Variants in TMPRSS7 observed in about 807,000 individuals in gnomAD.
The protein encoded by TMPRSS7 is transmembrane protease serine 7.
In TMPRSS7, 81 loss-of-function variants were observed where a neutral mutation model predicts 95.6. That is an observed-to-expected ratio of 0.85 (90% CI 0.71 to 1.02). The LOEUF (loss-of-function observed/expected upper bound fraction) is 1.02. Ranked by LOEUF, TMPRSS7 falls within the 50% of genes least tolerant of loss-of-function variation. The probability of loss-of-function intolerance (pLI) is 0.00; values close to 1 mark genes in which losing one functional copy is unlikely to be tolerated. For missense variants in TMPRSS7, 945 were observed against 955.2 expected (o/e 0.99, Z 0.14); for synonymous variants, 364 against 337.8 (o/e 1.08, Z -0.85).
At position 112,038,249 on chromosome 3, in the gene TMPRSS7, A is replaced by G. The variant is rs777214539; in HGVS notation, c.226A>G (p.Lys76Glu). ...AGTTCCCTTTTGGAATGTACAAAATAAAATCATTCTCTTCACAGTATTTTT... is the reference window on the plus strand; with the variant it reads ...AGTTCCCTTTTGGAATGTACAAAATGAAATCATTCTCTTCACAGTATTTTT... The change falls in exon 2 of 18, where the codon AAA becomes GAA. Residue 76 changes from lysine (K) to glutamate (E), a missense_variant. Coordinates refer to ENST00000452346, the Ensembl canonical transcript of TMPRSS7. 3 of 702,840 alleles carry G rather than the reference A, an allele frequency of 4.3e-6. No homozygotes were observed. The South Asian group carries it at 4.4e-5, about 10-fold the overall frequency. 43.5% of individuals were successfully genotyped at this position (702,840 alleles called of 1,614,324 possible).
intron 10 of TMPRSS7, among the ~76,000 whole-genome samples, chr3:112,061,360 C>T (rs1337975915): frequency 1.4e-4 from 22 of 152,132 alleles, no homozygotes; most frequent in Admixed American, 1.4e-3. Context: ...ATAATGTTGT[C>T]TTTTGCTTTT....
intron 11 of TMPRSS7, among the ~76,000 whole-genome samples, chr3:112,062,411 T>A (rs1336578630): frequency 6.6e-6 from 1 of 152,208 alleles, no homozygotes; most frequent in Non-Finnish European, 1.5e-5. Context: ...TGAAAACTAC[T>A]GGAAGAGCGG....
intron 2 of TMPRSS7, among the ~76,000 whole-genome samples, chr3:112,041,012 T>C (rs2073200818): frequency 6.7e-6 from 1 of 150,296 alleles, no homozygotes; most frequent in African/African-American, 2.5e-5. Context: ...CTTACTGATA[T>C]GAGAAGGATG....
chr3:112,046,024 T>A (rs1193139756), intron 5 of TMPRSS7, 81 bp downstream of exon 5: 8 of 1,240,630 alleles, frequency 6.4e-6, no homozygotes, highest in Non-Finnish European at 8.9e-6. Context: ...AACATTGTAA[T>A]GAAGCATTAC....
rs777946917 is a variant in TMPRSS7 at position 112,038,190 on chromosome 3, G to T, written c.167G>T (p.Gly56Val). The change falls in exon 2 of 18, where the codon GGC (glycine) becomes GTC (valine). Residue 56 changes from glycine to valine, a missense_variant. Physicochemically the swap from Gly to Val is moderately radical, Grantham distance 109. Transcript: ENST00000452346. ...AGACGACCACCACAAAGACCCATTG[G>T]CAAAGCCAAACCCAAGAAGCAATCC... 10 of 702,734 alleles carry T rather than the reference G, an allele frequency of 1.4e-5. No individual in the cohort carries two copies. The East Asian group carries it at 2.7e-4, about 19-fold the overall frequency. 43.5% of individuals were successfully genotyped at this position (702,734 alleles called of 1,614,324 possible). A position where few individuals can be genotyped will look rare whatever the true frequency, so the allele number is the denominator to read the frequency against.
chr3:112,053,752 G>A lies in TMPRSS7; in HGVS notation c.1203+2969G>A, dbSNP rs997140602. ...GATCACTCAAACAGAAAGTGACCCAGGTAGGACTAGAAGGAATCATGCCTC... is the reference window on the plus strand; with the variant it reads ...GATCACTCAAACAGAAAGTGACCCAAGTAGGACTAGAAGGAATCATGCCTC... On this transcript the variant is annotated intron_variant, in intron 9 of 17. Coordinates refer to ENST00000452346, the Ensembl canonical transcript of TMPRSS7. 2.0e-5 allele frequency among the ~76,000 whole-genome samples: 3 copies of A among 152,198 alleles called. No individual in the cohort carries two copies. The East Asian group carries it at 5.8e-4, about 29-fold the overall frequency.
chr3:112,060,563 AGAGAAATATGG>A (rs1174442914), intron 10 of TMPRSS7, among the ~76,000 whole-genome samples: 1 of 152,266 alleles, frequency 6.6e-6, no homozygotes, highest in Non-Finnish European at 1.5e-5. Context: ...TTTTGAAAGA[AGAGAAATATGG>A]CTGTGTTCTG....
rs73853301 is a variant in TMPRSS7 at position 112,061,782 on chromosome 3, C to T, written c.1311-5C>T. 17,029 of 1,600,962 alleles carry T rather than the reference C, an allele frequency of 0.011. 888 individuals carry two copies. In the African/African-American group the frequency reaches 0.14, roughly 13 times the overall value. On this transcript the variant is annotated splice_polypyrimidine_tract_variant and splice_region_variant and intron_variant, in intron 10 of 17. Transcript: ENST00000452346. ...GTGTATTCTCCCCGACTCTTGTCTC[C>T]CCAGGTACTGTGGCTCCTACATGGA...
chr3:112,041,281 T>C (rs1036770947), intron 2 of TMPRSS7, among the ~76,000 whole-genome samples: 2 of 152,116 alleles, frequency 1.3e-5, no homozygotes, highest in African/African-American at 4.8e-5. Context: ...CCAGCCTCCC[T>C]ACACTTCCTA....
At chr3:112,061,004 C>G (rs889517490) in intron 10 of TMPRSS7, among the ~76,000 whole-genome samples, 1 of 152,174 alleles carries the variant, frequency 6.6e-6, no homozygotes, top group Non-Finnish European at 1.5e-5. Context: ...CATTCAGGGT[C>G]CCTGACTTCC....
At chr3:112,044,638 A>C (rs1389033236) in intron 4 of TMPRSS7, among the ~76,000 whole-genome samples, 1 of 152,188 alleles carries the variant, frequency 6.6e-6, no homozygotes, top group African/African-American at 2.4e-5. Context: ...AGCACAGACC[A>C]TGATTTCTTA....
intron 13 of TMPRSS7, among the ~76,000 whole-genome samples, chr3:112,073,381 A>T (rs1392788834): frequency 2.6e-5 from 4 of 152,040 alleles, no homozygotes; most frequent in Non-Finnish European, 5.9e-5. Flanking sequence ...GGCAGGAGCC[A>T]CCTGTAATTA....
At chr3:112,051,547 CT>C (rs1448261988) in intron 9 of TMPRSS7, among the ~76,000 whole-genome samples, 1 of 150,830 alleles carries the variant, frequency 6.6e-6, no homozygotes, top group East Asian at 1.9e-4. Flanking sequence ...ATCTATCTAT[CT>C]ATCTATCTAT....
intron 1 of TMPRSS7, among the ~76,000 whole-genome samples, chr3:112,036,089 T>C (rs557105125): frequency 3.7e-4 from 57 of 152,280 alleles, no homozygotes; most frequent in Admixed American, 2.0e-3. Flanking sequence ...GTACAATCTA[T>C]GCAAATTATC....
intron 13 of TMPRSS7, among the ~76,000 whole-genome samples, chr3:112,070,228 T>C (rs113022683): frequency 0.03 from 4,564 of 152,268 alleles, 193 homozygotes; most frequent in African/African-American, 0.088. Flanking sequence ...TTTACATTTG[T>C]TGAGGAGTGC....
At chr3:112,046,745 C>G (rs1321748459) in intron 5 of TMPRSS7, among the ~76,000 whole-genome samples, 1 of 152,136 alleles carries the variant, frequency 6.6e-6, no homozygotes, top group Non-Finnish European at 1.5e-5. Flanking sequence ...ATAGTGAACT[C>G]TCATACACCC....
chr3:112,075,104 G>A (rs778182313), intron 14 of TMPRSS7, among the ~76,000 whole-genome samples: 9 of 152,156 alleles, frequency 5.9e-5, no homozygotes, highest in African/African-American at 9.7e-5. Context: ...TCTCATCTGC[G>A]TTGTGGTATA....
intron 5 of TMPRSS7, 94 bp downstream of exon 5, chr3:112,046,037 TG>T (rs2073274672): frequency 2.7e-6 from 3 of 1,128,556 alleles, no homozygotes; most frequent in Non-Finnish European, 3.7e-6. Context: ...AGCATTACAA[TG>T]TGGGATTACC....
chr3:112,049,878 G>T lies in TMPRSS7; in HGVS notation c.994G>T (p.Val332Phe), dbSNP rs370206920. The change falls in exon 8 of 18, where the codon GTT becomes TTT. Residue 332 changes from valine to phenylalanine, a missense_variant. Transcript: ENST00000452346. ...ACCCACAAGAACATTAATGTCATTT[G>T]TTTCTACAAATAATCTCATGTTGGT... 1.9e-6 allele frequency: 3 copies of T among 1,546,444 alleles called. No individual in the cohort carries two copies. The highest frequency in any genetic ancestry group is 2.7e-5 in the African/African-American group (2 of 73,868).
Sources: gnomAD v4.1 joint callset for allele counts (sites outside exome capture counted in the v4.1 genomes callset) on GRCh38, gnomAD v4.1.1 for gene constraint, MANE v1.5 for transcripts, NCBI Gene and HGNC (gene_info 2026-07-23, HGNC 2026-07-21) for gene names.